The following ADGRL3 variants were observed in gnomAD, a reference collection of about 807,000 sequenced individuals.
The protein encoded by ADGRL3 is adhesion G protein-coupled receptor L3, also known as calcium-independent alpha-latrotoxin receptor 3.
In ADGRL3, 62 loss-of-function variants were observed where a neutral mutation model predicts 153.5. That is an observed-to-expected ratio of 0.40 (90% CI 0.33 to 0.50). The LOEUF is 0.50. Ranked by LOEUF, ADGRL3 falls within the 20% of genes least tolerant of loss-of-function variation. ADGRL3 has a pLI of 0.47. For missense variants in ADGRL3, 1,641 were observed against 1,859.4 expected, an observed-to-expected ratio of 0.88 and a Z score of 2.16; for synonymous variants, 710 against 672.5, an observed-to-expected ratio of 1.06 and a Z score of -0.86.
chr4:61,937,287 C>T (rs2098843381), intron 15 of ADGRL3, among the ~76,000 whole-genome samples: 1 of 152,104 alleles, frequency 6.6e-6, no homozygotes, highest in African/African-American at 2.4e-5. Context: ...TCCTTCCTGC[C>T]TCATTTGCCA....
chr4:61,699,694 C>A (rs182021849), intron 6 of ADGRL3, among the ~76,000 whole-genome samples: 1 of 152,198 alleles, frequency 6.6e-6, no homozygotes, highest in East Asian at 1.9e-4. Context: ...CTTTTAACCA[C>A]ATGTTCAGTG....
Position 61,690,915 on chromosome 4 carries a change from C to T in ADGRL3, c.583+13980C>T, listed in dbSNP as rs77556413. Among the ~76,000 whole-genome samples the T allele has an allele frequency of 5.9e-3, 898 of 152,214 alleles. 6 individuals carry two copies. The highest frequency in any genetic ancestry group is 0.021 in the African/African-American group (855 of 41,532). ...AAAAGAATATGACTGTGGATATTAT[C>T]AAGAAAAAGCTCTAAGAATTTCTCC... On this transcript the variant is annotated intron_variant, in intron 6 of 26. Coordinates refer to ENST00000683033, the MANE Select transcript of ADGRL3 (RefSeq NM_001387552.1).
At chr4:61,558,217 C>T (rs1028598737) in intron 4 of ADGRL3, among the ~76,000 whole-genome samples, 4 of 141,838 alleles carry the variant, frequency 2.8e-5, no homozygotes, top group Non-Finnish European at 6.1e-5. Context: ...TGTCTTATCA[C>T]AGTATCCTGA....
intron 8 of ADGRL3, among the ~76,000 whole-genome samples, chr4:61,803,194 G>T (rs776045022): frequency 6.6e-5 from 10 of 151,890 alleles, no homozygotes; most frequent in Non-Finnish European, 1.0e-4. Flanking sequence ...GATTGAGCTT[G>T]ATTTTTCATA....
At chr4:61,476,732 A>AC (rs2098063930) in intron 2 of ADGRL3, among the ~76,000 whole-genome samples, 1 of 148,232 alleles carries the variant, frequency 6.7e-6, no homozygotes, top group African/African-American at 2.5e-5. Flanking sequence ...AAAAAAAAAA[A>AC]AAAAAACAAA....
intron 2 of ADGRL3, among the ~76,000 whole-genome samples, chr4:61,417,868 A>G (rs1454488128): frequency 6.6e-6 from 1 of 152,112 alleles, no homozygotes; most frequent in Non-Finnish European, 1.5e-5. Context: ...AACTGATTGT[A>G]TGTTGGTAGT....
intron 9 of ADGRL3, among the ~76,000 whole-genome samples, chr4:61,882,350 C>T (rs878906036): frequency 6.6e-6 from 1 of 152,068 alleles, no homozygotes; most frequent in Non-Finnish European, 1.5e-5. Context: ...TGTCTTACAC[C>T]CCCATGCTGT....
intron 8 of ADGRL3, among the ~76,000 whole-genome samples, chr4:61,776,404 TA>T (rs1028763038): frequency 6.6e-4 from 100 of 152,350 alleles, no homozygotes; most frequent in Middle Eastern, 6.8e-3. Context: ...AAAAGATTTA[TA>T]AAAGTTTTAA....
chr4:61,357,721 C>T (rs1234328480), intron 1 of ADGRL3, among the ~76,000 whole-genome samples: 1 of 151,948 alleles, frequency 6.6e-6, no homozygotes, highest in Non-Finnish European at 1.5e-5. Flanking sequence ...TTTTTTGACA[C>T]ATATGAAAGT....
chr4:61,659,366 C>T, intron 5 of ADGRL3, among the ~76,000 whole-genome samples: 1 of 152,188 alleles, frequency 6.6e-6, no homozygotes, highest in Non-Finnish European at 1.5e-5. Flanking sequence ...CTAAACCTAT[C>T]ATACACTGAT....
At chr4:61,663,561 A>G (rs1197747703) in intron 5 of ADGRL3, among the ~76,000 whole-genome samples, 3 of 152,128 alleles carry the variant, frequency 2.0e-5, no homozygotes, top group Non-Finnish European at 4.4e-5. Context: ...CAGGTGTGGG[A>G]TCTAGGCCAG....
intron 21 of ADGRL3, among the ~76,000 whole-genome samples, chr4:62,012,123 C>G (rs1049435960): frequency 6.6e-6 from 1 of 152,050 alleles, no homozygotes; most frequent in African/African-American, 2.4e-5. Flanking sequence ...AGACTTTGGG[C>G]CTCCAAATTC....
At chr4:61,509,922 A>G (rs536585504) in intron 3 of ADGRL3, among the ~76,000 whole-genome samples, 20 of 152,262 alleles carry the variant, frequency 1.3e-4, no homozygotes, top group African/African-American at 4.3e-4. Context: ...TAGCCTTGCC[A>G]ACACCTGTTA....
intron 6 of ADGRL3, among the ~76,000 whole-genome samples, chr4:61,716,862 A>T (rs188966232): frequency 6.6e-6 from 1 of 152,260 alleles, no homozygotes. Context: ...CCAGGATTTT[A>T]TACTGTCTTT....
At chr4:61,946,288 G>A (rs921159324) in intron 15 of ADGRL3, among the ~76,000 whole-genome samples, 2 of 152,038 alleles carry the variant, frequency 1.3e-5, no homozygotes, top group Non-Finnish European at 2.9e-5. Flanking sequence ...ACTCAGTGTA[G>A]TCTTATTTTT....
rs868519795 is a variant in ADGRL3 at position 62,065,928 on chromosome 4, G to C, written c.3815-2238G>C. The stretch of plus-strand genomic sequence containing the variant: ...GATCTATGACTGGTTATTGCTACTT[G>C]GATTGTCAATAAATACACAAAGGAT... On this transcript the variant is annotated intron_variant, in intron 25 of 26. Coordinates refer to ENST00000683033, the MANE Select transcript of ADGRL3 (RefSeq NM_001387552.1). 6.6e-5 allele frequency among the ~76,000 whole-genome samples: 10 copies of C among 151,908 alleles called. No homozygotes were observed. In the South Asian group the frequency reaches 1.0e-3, roughly 16 times the overall value.
intron 25 of ADGRL3, among the ~76,000 whole-genome samples, chr4:62,058,600 A>G (rs1247650527): frequency 6.6e-6 from 1 of 152,148 alleles, no homozygotes; most frequent in East Asian, 1.9e-4. Flanking sequence ...TTCTTTTCAC[A>G]TATGTAATAT....
At chr4:61,967,038 C>T (rs973497437) in intron 17 of ADGRL3, among the ~76,000 whole-genome samples, 5 of 152,034 alleles carry the variant, frequency 3.3e-5, no homozygotes, top group African/African-American at 9.7e-5. Flanking sequence ...CAAAAATATG[C>T]TTAGTACACC....
At position 61,772,515 on chromosome 4, in the gene ADGRL3, C is replaced by T. The variant is rs374756224; in HGVS notation, c.1399+38961C>T. ...AGTTTTACACGACATGAGAGACTTC[C>T]TAAGGAAATGAAGACCCCCCAAAAT... is the stretch of plus-strand genomic sequence containing the variant. On this transcript the variant is annotated intron_variant, in intron 8 of 26. Transcript: ENST00000683033. 3.0e-4 allele frequency among the ~76,000 whole-genome samples: 46 copies of T among 152,214 alleles called. 1 individual carries two copies. The highest frequency in any genetic ancestry group is 1.1e-3 in the African/African-American group (45 of 41,526).
Sources: gnomAD v4.1 joint callset for allele counts (sites outside exome capture counted in the v4.1 genomes callset) on GRCh38, gnomAD v4.1.1 for gene constraint, MANE v1.5 for transcripts, NCBI Gene and HGNC (gene_info 2026-07-23, HGNC 2026-07-21) for gene names.